PARD6G: variants seen among roughly 807,000 people sequenced by gnomAD.
The protein encoded by PARD6G is partitioning defective 6 homolog gamma.
In PARD6G, 7 loss-of-function variants were observed where a neutral mutation model predicts 10.7. The observed-to-expected ratio is 0.66, with a 90% CI of 0.37 to 1.23. The LOEUF is 1.23. Ranked by LOEUF, PARD6G falls within the 50% of genes most tolerant of loss-of-function variation. PARD6G has a pLI of 0.02. For missense variants in PARD6G, 548 were observed against 571.8 expected (o/e 0.96, Z 0.42); for synonymous variants, 287 against 269.4 (o/e 1.07, Z -0.64).
In PARD6G at chr18:80,180,634, A is replaced by G. The variant is rs1599852578; in HGVS notation, c.296-20028T>C. ...ACCGCAAATGGCAGGGCTGCTCCCCACTCCCTGGAGGAAGTGAGCCTGACC... is the reference window on the plus strand; with the variant it reads ...ACCGCAAATGGCAGGGCTGCTCCCCGCTCCCTGGAGGAAGTGAGCCTGACC... On this transcript the variant is annotated intron_variant, in intron 2 of 2. Transcript: ENST00000353265. The surrounding 1 kb of genome is among the most constrained non-coding windows in gnomAD (Gnocchi z 5.6). Among the ~76,000 whole-genome samples the G allele has an allele frequency of 6.6e-6, 1 of 151,678 alleles. No homozygotes were observed. The highest frequency in any genetic ancestry group is 2.1e-4 in the South Asian group (1 of 4,806).
chr18:80,179,312 A>T (rs1028488383), intron 2 of PARD6G, among the ~76,000 whole-genome samples: 1 of 151,856 alleles, frequency 6.6e-6, no homozygotes, highest in Non-Finnish European at 1.5e-5. Flanking sequence ...TCGGTGAAGA[A>T]GCCTCAGACG....
intron 1 of PARD6G, among the ~76,000 whole-genome samples, chr18:80,234,744 G>A (rs924931012): frequency 4.6e-5 from 7 of 152,046 alleles, no homozygotes; most frequent in Admixed American, 1.3e-4. Flanking sequence ...AAGTCAAGGT[G>A]ACTGTAATGA....
At chr18:80,190,722 C>A (rs955431536) in intron 2 of PARD6G, among the ~76,000 whole-genome samples, 1 of 152,148 alleles carries the variant, frequency 6.6e-6, no homozygotes, top group African/African-American at 2.4e-5. Context: ...GAGTGGAGGG[C>A]AGGCGGGCAG....
chr18:80,171,003 G>T (rs2052772254), intron 2 of PARD6G: 1 of 152,112 alleles, frequency 6.6e-6, no homozygotes, highest in African/African-American at 2.4e-5. Context: ...ATTTTCATTG[G>T]AAGTATTTAA....
chr18:80,209,590 C>T (rs962647368), intron 1 of PARD6G, among the ~76,000 whole-genome samples: 8 of 152,160 alleles, frequency 5.3e-5, no homozygotes, highest in Admixed American at 1.3e-4. Flanking sequence ...GCAGGTGGAT[C>T]GTTTGACTCT....
At chr18:80,229,669 A>T (rs1967336535) in intron 1 of PARD6G, among the ~76,000 whole-genome samples, 1 of 152,242 alleles carries the variant, frequency 6.6e-6, no homozygotes, top group South Asian at 2.1e-4. Flanking sequence ...TGCTCGAGCC[A>T]GAAGTTAGAC....
chr18:80,208,004 T>C (rs911888691), intron 1 of PARD6G, among the ~76,000 whole-genome samples: 1 of 152,196 alleles, frequency 6.6e-6, no homozygotes, highest in Non-Finnish European at 1.5e-5. Context: ...GTTTATCCTA[T>C]TTTAAAATGC....
intron 1 of PARD6G, among the ~76,000 whole-genome samples, chr18:80,222,079 T>TTTTTTTC (rs1415177594): frequency 6.6e-6 from 1 of 151,754 alleles, no homozygotes; most frequent in East Asian, 1.9e-4. Context: ...GAAAACTTAA[T>TTTTTTTC]TTTTTTCTTT....
At chr18:80,163,474 C>T (rs2052714469) in intron 2 of PARD6G, among the ~76,000 whole-genome samples, 1 of 152,174 alleles carries the variant, frequency 6.6e-6, no homozygotes, top group African/African-American at 2.4e-5. Context: ...ATTTCACCTC[C>T]CTCTGAGAGC....
At chr18:80,209,156 T>C (rs1314351494) in intron 1 of PARD6G, among the ~76,000 whole-genome samples, 1 of 151,358 alleles carries the variant, frequency 6.6e-6, no homozygotes, top group Non-Finnish European at 1.5e-5. Flanking sequence ...CCCTCACCAG[T>C]ACCCTGACAC....
At chr18:80,240,565 T>C (rs746607657) in intron 1 of PARD6G, among the ~76,000 whole-genome samples, 8 of 152,066 alleles carry the variant, frequency 5.3e-5, no homozygotes, top group Non-Finnish European at 7.4e-5. Context: ...TCTGAAAACA[T>C]GTGGGGAGGA....
At chr18:80,222,436 C>T (rs1967242154) in intron 1 of PARD6G, among the ~76,000 whole-genome samples, 2 of 152,274 alleles carry the variant, frequency 1.3e-5, no homozygotes, top group South Asian at 2.1e-4. Context: ...AATTGATCTA[C>T]AGATTCAATA....
intron 1 of PARD6G, among the ~76,000 whole-genome samples, chr18:80,224,910 G>C (rs1296634637): frequency 6.6e-6 from 1 of 151,986 alleles, no homozygotes; most frequent in Non-Finnish European, 1.5e-5. Context: ...TGAAAGACTT[G>C]CCCAAAAGCT....
At chr18:80,169,993 G>C (rs11664365) in intron 2 of PARD6G, 1 of 152,142 alleles carries the variant, frequency 6.6e-6, no homozygotes, top group Non-Finnish European at 1.5e-5. Flanking sequence ...ACACCACGTC[G>C]GAGACTTCAG....
In PARD6G at chr18:80,160,533, A is replaced by T. The variant is rs1035275004; in HGVS notation, c.369T>A (p.Asp123Glu). 1.7e-5 allele frequency: 25 copies of T among 1,508,470 alleles called. No homozygotes were observed. Among genetic ancestry groups the T allele is most frequent in the Admixed American group, 1.3e-4 (6 of 45,506 alleles). The allele number at this position is 1,508,470 out of a possible 1,614,324, so 93.4% of individuals were successfully genotyped here. ...RRRRALGALRDEGPRRRAHLD... is the reference protein window; with the variant it reads ...RRRRALGALREEGPRRRAHLD... ...GGTGTGCACGCCGCCGGGGTCCTTC[A>T]TCACGCAGCGCGCCCAGCGCCCGCC... Residue 123 changes from aspartate (D) to glutamate (E), a missense_variant, in exon 3 of 3, where the codon GAT becomes GAA. By Grantham distance (45) the Asp-to-Glu change is conservative. This residue lies in a region of PARD6G where 235 missense variants were observed against 291.9 expected (regional missense o/e 0.81). Coordinates refer to ENST00000353265, the MANE Select transcript of PARD6G (RefSeq NM_032510.4).
At chr18:80,160,729 C>A in intron 2 of PARD6G, 123 bp from the exon 3 acceptor site, 1 of 1,357,404 alleles carries the variant, frequency 7.4e-7, no homozygotes, top group Non-Finnish European at 9.5e-7. Flanking sequence ...TGCACAGGAG[C>A]ATTCCAGACC....
At chr18:80,219,451 C>A (rs1967206940) in intron 1 of PARD6G, among the ~76,000 whole-genome samples, 1 of 152,184 alleles carries the variant, frequency 6.6e-6, no homozygotes, top group Non-Finnish European at 1.5e-5. Flanking sequence ...CTCAGGTGAT[C>A]CACCTGCCTC....
intron 2 of PARD6G, among the ~76,000 whole-genome samples, chr18:80,177,579 C>T (rs1264578600): frequency 6.7e-6 from 1 of 150,358 alleles, no homozygotes; most frequent in Non-Finnish European, 1.5e-5. Flanking sequence ...AAATGGAAAG[C>T]GCACACACAC....
chr18:80,232,527 G>A (rs750102494), intron 1 of PARD6G, among the ~76,000 whole-genome samples: 6 of 152,120 alleles, frequency 3.9e-5, no homozygotes, highest in Non-Finnish European at 5.9e-5. Context: ...AGATATGAAA[G>A]TGGAAACCCC....
Sources: gnomAD v4.1 joint callset for allele counts (sites outside exome capture counted in the v4.1 genomes callset) on GRCh38, gnomAD v4.1.1 for gene constraint, gnomAD v4.1.1 regional missense constraint, Gnocchi (gnomAD v3.1) non-coding constraint, MANE v1.5 for transcripts, NCBI Gene and HGNC (gene_info 2026-07-23, HGNC 2026-07-21) for gene names.